The following BUD13 variants were observed in gnomAD, a reference collection of about 807,000 sequenced individuals.
BUD13 encodes the protein BUD13 homolog.
A neutral mutation model predicts 62.5 loss-of-function variants in BUD13; 47 were observed. The observed-to-expected ratio is 0.75, with a 90% CI of 0.60 to 0.96. BUD13 has a LOEUF of 0.96. BUD13 is among the 40% of genes least tolerant of loss of function. BUD13 has a pLI of 0.00. For missense variants in BUD13, 821 were observed against 790.9 expected, an observed-to-expected ratio of 1.04 and a Z score of -0.46; for synonymous variants, 293 against 280.1, an observed-to-expected ratio of 1.05 and a Z score of -0.46.
intron 9 of BUD13, among the ~76,000 whole-genome samples, chr11:116,749,021 G>GA (rs141923916): frequency 0.045 from 6,492 of 144,530 alleles, 206 homozygotes; most frequent in Admixed American, 0.089. Context: ...AAACAAAAAA[G>GA]AAAAGAAAAT....
At chr11:116,750,673 C>T (rs1386382020) in intron 9 of BUD13, among the ~76,000 whole-genome samples, 1 of 152,202 alleles carries the variant, frequency 6.6e-6, no homozygotes, top group Non-Finnish European at 1.5e-5. Flanking sequence ...CTGCAAAAGC[C>T]TTGTATCTGT....
chr11:116,752,625 T>C (rs1272069876), intron 9 of BUD13, among the ~76,000 whole-genome samples: 1 of 152,196 alleles, frequency 6.6e-6, no homozygotes, highest in Non-Finnish European at 1.5e-5. Flanking sequence ...TGGCTGTATG[T>C]ATGGCAAATG....
chr11:116,770,685 G>A lies in BUD13; in HGVS notation c.144-463C>T, dbSNP rs541397102. 2.4e-3 allele frequency among the ~76,000 whole-genome samples: 364 copies of A among 152,068 alleles called. 1 individual carries two copies. Among genetic ancestry groups the A allele is most frequent in the Middle Eastern group, 6.8e-3 (2 of 294 alleles). On this transcript the variant is annotated intron_variant, in intron 1 of 9. Coordinates refer to ENST00000260210, the MANE Select transcript of BUD13 (RefSeq NM_032725.4). ...AATTTTTTGTATTTTTAGTAGAGAC[G>A]GGGTTTCACCGTGTTAGTCAGGATG...
chr11:116,750,683 T>C (rs17119963), intron 9 of BUD13, among the ~76,000 whole-genome samples: 2,144 of 152,330 alleles, frequency 0.014, 28 homozygotes, highest in African/African-American at 0.043. Flanking sequence ...CTTGTATCTG[T>C]TCTACTTCCA....
At chr11:116,767,056 C>T (rs1940543279) in intron 2 of BUD13, among the ~76,000 whole-genome samples, 1 of 151,900 alleles carries the variant, frequency 6.6e-6, no homozygotes, top group Admixed American at 6.6e-5. Context: ...GGCATGGTGG[C>T]AGGCGCCTGT....
At chr11:116,765,059 T>C (rs1364350355) in intron 3 of BUD13, among the ~76,000 whole-genome samples, 1 of 152,178 alleles carries the variant, frequency 6.6e-6, no homozygotes, top group Non-Finnish European at 1.5e-5. Flanking sequence ...CCCAAAGTCT[T>C]GCCTATACAC....
chr11:116,762,149 G>A (rs1940441517), intron 4 of BUD13, among the ~76,000 whole-genome samples: 2 of 152,126 alleles, frequency 1.3e-5, no homozygotes, highest in African/African-American at 2.4e-5. Context: ...AGGACAGCAG[G>A]CAAGATTGCA....
intron 9 of BUD13, among the ~76,000 whole-genome samples, chr11:116,755,631 A>G (rs1352464737): frequency 1.3e-5 from 2 of 152,208 alleles, no homozygotes; most frequent in Non-Finnish European, 2.9e-5. Flanking sequence ...CTATACTTCA[A>G]CTGAACAAAT....
In BUD13 at chr11:116,759,064, A is replaced by C; in HGVS notation, c.1360+10T>G. 2.5e-6 allele frequency: 4 copies of C among 1,607,186 alleles called. No homozygotes were observed. Among genetic ancestry groups the C allele is most frequent in the Non-Finnish European group, 2.6e-6 (3 of 1,175,128 alleles). ...AGCCTAAATTGGTCTCTGCACTTTC[A>C]TATTTTTACCTTCAAATGCCATGGT... is the stretch of plus-strand genomic sequence containing the variant. On this transcript the variant is annotated intron_variant, in intron 6 of 9. Transcript: ENST00000260210.
intron 4 of BUD13, among the ~76,000 whole-genome samples, chr11:116,761,259 C>T (rs867994297): frequency 6.6e-6 from 1 of 151,590 alleles, no homozygotes; most frequent in African/African-American, 2.4e-5. Flanking sequence ...GCTATGTTGG[C>T]CAGGCTGGTC....
At chr11:116,757,294 T>C in intron 8 of BUD13, 67 bp from the exon 9 acceptor site, 2 of 1,450,338 alleles carry the variant, frequency 1.4e-6, no homozygotes, top group South Asian at 2.4e-5. Flanking sequence ...TGGATGGCAA[T>C]GTGGAATTTT....
Position 116,751,505 on chromosome 11 carries a change from G to A in BUD13, c.1767-2930C>T, listed in dbSNP as rs1221877225. Among the ~76,000 whole-genome samples, 4 of 152,238 alleles carry A rather than the reference G, an allele frequency of 2.6e-5. No individual in the cohort carries two copies. The East Asian group carries it at 7.8e-4, about 30-fold the overall frequency. Reference sequence around the variant, plus strand: ...TTAGCTGGGCGTGGTGCTCACGCCTGTAATCCCAGCTACTCGGGAGGCTGA... The same window carrying A: ...TTAGCTGGGCGTGGTGCTCACGCCTATAATCCCAGCTACTCGGGAGGCTGA... On this transcript the variant is annotated intron_variant, in intron 9 of 9. Coordinates refer to ENST00000260210, the MANE Select transcript of BUD13 (RefSeq NM_032725.4).
rs140086137 is a variant in BUD13 at position 116,761,671 on chromosome 11, A to T, written c.1037-719T>A. 1.3e-3 allele frequency among the ~76,000 whole-genome samples: 194 copies of T among 152,352 alleles called. 2 individuals are homozygous for T. The highest frequency in any genetic ancestry group is 4.6e-3 in the African/African-American group (190 of 41,576). On this transcript the variant is annotated intron_variant, in intron 4 of 9. Transcript: ENST00000260210. ...CAAAAGTCAGAAATACCTGGAATATAGTCTGATATCCTTGGACTAAAGGAT... is the reference window on the plus strand; with the variant it reads ...CAAAAGTCAGAAATACCTGGAATATTGTCTGATATCCTTGGACTAAAGGAT...
chr11:116,748,718 C>T (rs748902904), intron 9 of BUD13, 143 bp from the exon 10 acceptor site: 140 of 840,870 alleles, frequency 1.7e-4, no homozygotes, highest in East Asian at 2.4e-4. Context: ...CCGGGCACGG[C>T]GGCTCACGCC....
Position 116,748,559 on chromosome 11 carries a change from G to C in BUD13, c.1783C>G (p.Gln595Glu). ...CTGGCAAGCCTGGCAAAGCGCTTCT[G>C]TTCAAATCCATTGGATCTGCAATCA... ...DGVDRSNGFE[Q>E]KRFARLASKK... The change falls in exon 10 of 10, where the codon CAG (glutamine) becomes GAG (glutamate). Residue 595 changes from glutamine (Q) to glutamate (E), a missense_variant. Coordinates refer to ENST00000260210, the MANE Select transcript of BUD13 (RefSeq NM_032725.4). The C allele has an allele frequency of 6.2e-7, 1 of 1,614,204 alleles. No individual in the cohort carries two copies. Among genetic ancestry groups the C allele is most frequent in the Non-Finnish European group, 8.5e-7 (1 of 1,180,034 alleles).
chr11:116,757,260 T>A, intron 8 of BUD13, 33 bp from the exon 9 acceptor site: 8 of 1,577,480 alleles, frequency 5.1e-6, no homozygotes, highest in Middle Eastern at 1.7e-4. Context: ...AGTATTCAGT[T>A]AATGACATAG....
Position 116,748,469 on chromosome 11 carries a change from A to G in BUD13, c.*13T>C. 6.2e-7 allele frequency: 1 copy of G among 1,613,516 alleles called. No homozygotes were observed. On this transcript the variant is annotated 3_prime_UTR_variant, in exon 10 of 10. Coordinates refer to ENST00000260210, the MANE Select transcript of BUD13 (RefSeq NM_032725.4). ...ACTACCACAGCCCAGCCACCCCCAC[A>G]GCCTCAGGAAAGTTACATATCCTCA...
At chr11:116,772,345 G>A (rs1426848151) in intron 1 of BUD13, among the ~76,000 whole-genome samples, 1 of 152,164 alleles carries the variant, frequency 6.6e-6, no homozygotes, top group African/African-American at 2.4e-5. Context: ...GGCAAGAAAA[G>A]TATAACTATA....
At chr11:116,754,738 C>A (rs534189643) in intron 9 of BUD13, among the ~76,000 whole-genome samples, 2 of 152,258 alleles carry the variant, frequency 1.3e-5, no homozygotes, top group East Asian at 3.9e-4. Flanking sequence ...GAAGTGCTAG[C>A]TAATGCAACA....
Sources: gnomAD v4.1 joint callset for allele counts (sites outside exome capture counted in the v4.1 genomes callset) on GRCh38, gnomAD v4.1.1 for gene constraint, MANE v1.5 for transcripts, NCBI Gene and HGNC (gene_info 2026-07-23, HGNC 2026-07-21) for gene names.